ATP8B4: variants seen among roughly 807,000 people sequenced by gnomAD.
ATP8B4 encodes the protein ATPase phospholipid transporting 8B4 (putative), also known as probable phospholipid-transporting ATPase IM.
ATP8B4 carries 133 observed loss-of-function variants against 145.6 expected under a neutral mutation model. The ratio of observed to expected loss-of-function variants is 0.91; its 90% CI spans 0.79 to 1.05. The LOEUF (loss-of-function observed/expected upper bound fraction) is 1.05, where lower values mean the gene tolerates loss of function less well. Ranked by LOEUF, ATP8B4 falls within the 50% of genes least tolerant of loss-of-function variation. The pLI, the probability that ATP8B4 is intolerant of heterozygous loss-of-function variation, is 0.00. For missense variants in ATP8B4, 1,458 were observed against 1,425.2 expected, an observed-to-expected ratio of 1.02 and a Z score of -0.37; for synonymous variants, 507 against 492.9, an observed-to-expected ratio of 1.03 and a Z score of -0.38.
chr15:49,948,735 C>A (rs2042800344), intron 14 of ATP8B4, among the ~76,000 whole-genome samples: 1 of 152,048 alleles, frequency 6.6e-6, no homozygotes, highest in African/African-American at 2.4e-5. Context: ...AATTTTTCTC[C>A]CATTCTGTAG....
intron 1 of ATP8B4, among the ~76,000 whole-genome samples, chr15:50,174,444 A>G (rs2044733433): frequency 6.6e-6 from 1 of 152,154 alleles, no homozygotes; most frequent in Non-Finnish European, 1.5e-5. Flanking sequence ...AATTCAGCAC[A>G]GTTTCCAGAT....
At chr15:49,922,475 A>G (rs916638866) in intron 17 of ATP8B4, 14 of 404,238 alleles carry the variant, frequency 3.5e-5, no homozygotes, top group African/African-American at 3.0e-4. Flanking sequence ...TTTGTAACCA[A>G]TATTACCAAA....
intron 15 of ATP8B4, among the ~76,000 whole-genome samples, chr15:49,933,481 C>A (rs2041451621): frequency 6.6e-6 from 1 of 152,002 alleles, no homozygotes; most frequent in Non-Finnish European, 1.5e-5. Context: ...CCCTGAGTTC[C>A]AAACAACCAT....
Position 50,003,153 on chromosome 15 carries a change from CCTTT to C in ATP8B4, c.436-934_436-931del, listed in dbSNP as rs1472134298. ...ATTCCAAATCTGTGATATTTTCTTACCTTTATTTTTAAAAACATTAGAATTGCTT... is the reference window on the plus strand; with the variant it reads ...ATTCCAAATCTGTGATATTTTCTTACATTTTTAAAAACATTAGAATTGCTT... On this transcript the variant is annotated intron_variant, in intron 7 of 27. Transcript: ENST00000284509. 2.6e-5 allele frequency among the ~76,000 whole-genome samples: 4 copies of C among 152,108 alleles called. No homozygotes were observed. The East Asian group carries it at 7.7e-4, about 29-fold the overall frequency.
chr15:49,883,048 T>G (rs1186834378), intron 23 of ATP8B4: 1 of 152,128 alleles, frequency 6.6e-6, no homozygotes, highest in African/African-American at 2.4e-5. Flanking sequence ...GCCAATTAAA[T>G]CAGTATCTCT....
At chr15:49,984,024 T>C (rs1444539190) in intron 10 of ATP8B4, among the ~76,000 whole-genome samples, 1 of 152,236 alleles carries the variant, frequency 6.6e-6, no homozygotes. Flanking sequence ...ATGCCCAGCA[T>C]ATAGTAGACA....
rs1311565454 is a variant in ATP8B4 at position 49,859,934 on chromosome 15, T to A, written c.*260A>T. 46 of 359,098 alleles carry A rather than the reference T, an allele frequency of 1.3e-4. No individual in the cohort carries two copies. Among genetic ancestry groups the A allele is most frequent in the Non-Finnish European group, 1.5e-4 (30 of 202,666 alleles). The allele number at this position is 359,098 out of a possible 1,614,324, so 22.2% of individuals were successfully genotyped here. On this transcript the variant is annotated 3_prime_UTR_variant, in exon 28 of 28. Coordinates refer to ENST00000284509, the MANE Select transcript of ATP8B4 (RefSeq NM_024837.4). ...AGGTCAATTGGTATCTAGGTTGATTTAAAAAAAAAAAAAATCTGTACTTGT... is the reference window on the plus strand; with the variant it reads ...AGGTCAATTGGTATCTAGGTTGATTAAAAAAAAAAAAAAATCTGTACTTGT...
chr15:50,132,367 C>G (rs950854580), intron 1 of ATP8B4, among the ~76,000 whole-genome samples: 5 of 152,162 alleles, frequency 3.3e-5, no homozygotes, highest in Non-Finnish European at 7.4e-5. Context: ...AAAGGCTCAT[C>G]ATCACTGGTC....
At chr15:50,181,230 G>A (rs902822354) in intron 1 of ATP8B4, among the ~76,000 whole-genome samples, 1 of 152,168 alleles carries the variant, frequency 6.6e-6, no homozygotes. Flanking sequence ...AACACAGGAG[G>A]ACAGTAGAGG....
At chr15:50,074,550 T>C (rs2054056710) in intron 2 of ATP8B4, among the ~76,000 whole-genome samples, 2 of 152,222 alleles carry the variant, frequency 1.3e-5, no homozygotes. Flanking sequence ...GTGGGGTTTG[T>C]TGCTACAAAG....
At chr15:49,996,194 A>G (rs2047409096) in intron 9 of ATP8B4, among the ~76,000 whole-genome samples, 1 of 152,148 alleles carries the variant, frequency 6.6e-6, no homozygotes, top group Non-Finnish European at 1.5e-5. Context: ...TTCTTCTTGA[A>G]CACCTAATAT....
At chr15:49,929,358 C>A (rs1168787102) in intron 16 of ATP8B4, among the ~76,000 whole-genome samples, 1 of 152,052 alleles carries the variant, frequency 6.6e-6, no homozygotes, top group Non-Finnish European at 1.5e-5. Context: ...TAAAAGAATT[C>A]ATTATAAAGT....
intron 16 of ATP8B4, among the ~76,000 whole-genome samples, chr15:49,926,274 T>C (rs190250471): frequency 1.3e-5 from 2 of 152,238 alleles, no homozygotes; most frequent in East Asian, 3.9e-4. Flanking sequence ...ACTCCTCTTA[T>C]ATCCCCAGTC....
intron 1 of ATP8B4, among the ~76,000 whole-genome samples, chr15:50,114,228 C>A (rs139171534): frequency 1.4e-5 from 2 of 146,442 alleles, no homozygotes; most frequent in East Asian, 4.3e-4. Context: ...GTAGTATACA[C>A]TGCACCCAAT....
rs59921497 is a variant in ATP8B4 at position 50,129,946 on chromosome 15, CAAAAAAAA to C, written c.-42-22946_-42-22939del. On this transcript the variant is annotated intron_variant, in intron 1 of 3. Coordinates refer to the ATP8B4 transcript ENST00000558829. Reference sequence around the variant, plus strand: ...CTGGTGACAGAGCAAGACTCTGACTCAAAAAAAAAAAAAAAAAAAAAAAGAAAGAAAAG... The same window carrying C: ...CTGGTGACAGAGCAAGACTCTGACTCAAAAAAAAAAAAAAAGAAAGAAAAG... 2.0e-4 allele frequency among the ~76,000 whole-genome samples: 18 copies of C among 88,156 alleles called. No individual in the cohort carries two copies. In the Admixed American group the frequency reaches 2.1e-3, roughly 10 times the overall value. 57.8% of individuals were successfully genotyped at this position (88,156 alleles called of 152,430 possible). A position where few individuals can be genotyped will look rare whatever the true frequency, so the allele number is the denominator to read the frequency against.
intron 12 of ATP8B4, 58 bp from the exon 13 acceptor site, chr15:49,972,848 C>A: frequency 6.5e-7 from 1 of 1,546,424 alleles, no homozygotes; most frequent in South Asian, 1.2e-5. Context: ...TCAGAACATA[C>A]AATATTTTGC....
chr15:50,128,611 C>A lies in ATP8B4; in HGVS notation c.-42-21603G>T, dbSNP rs74015204. On this transcript the variant is annotated intron_variant, in intron 1 of 3. Transcript: ENST00000558829. ...AGAAGCAGGAGAGGAGAGGGACACC[C>A]AAAGGCCCTAAAAAAGACTAAATAA... is the stretch of plus-strand genomic sequence containing the variant. Among the ~76,000 whole-genome samples, 575 of 152,256 alleles carry A rather than the reference C, an allele frequency of 3.8e-3. 4 individuals carry two copies. Among genetic ancestry groups the A allele is most frequent in the African/African-American group, 0.013 (557 of 41,554 alleles).
At chr15:50,169,703 A>G (rs2044643921) in intron 1 of ATP8B4, among the ~76,000 whole-genome samples, 1 of 152,240 alleles carries the variant, frequency 6.6e-6, no homozygotes, top group African/African-American at 2.4e-5. Context: ...CTGAAAAATA[A>G]TTCAGGAGGT....
At chr15:50,174,939 A>G (rs1429991311) in intron 1 of ATP8B4, among the ~76,000 whole-genome samples, 1 of 152,236 alleles carries the variant, frequency 6.6e-6, no homozygotes, top group Non-Finnish European at 1.5e-5. Flanking sequence ...ACTGGTATAA[A>G]AATAGGCACA....
Sources: allele counts gnomAD v4.1 joint callset (sites outside exome capture counted in the v4.1 genomes callset), GRCh38; gene constraint gnomAD v4.1.1; transcripts MANE v1.5; gene names NCBI Gene and HGNC (gene_info 2026-07-23, HGNC 2026-07-21).